The following CARMIL1 variants were observed in gnomAD, a reference collection of about 807,000 sequenced individuals.
The protein encoded by CARMIL1 is capping protein regulator and myosin 1 linker 1, also known as F-actin-uncapping protein LRRC16A.
CARMIL1 carries 90 observed loss-of-function variants against 177.1 expected under a neutral mutation model. The observed-to-expected ratio is 0.51, with a 90% CI of 0.43 to 0.61. CARMIL1 has a LOEUF of 0.61. Ranked by LOEUF, CARMIL1 falls within the 20% of genes least tolerant of loss-of-function variation. The probability of loss-of-function intolerance (pLI) is 0.00; values close to 1 mark genes in which losing one functional copy is unlikely to be tolerated. For missense variants in CARMIL1, 1,380 were observed against 1,667.0 expected, an observed-to-expected ratio of 0.83 and a Z score of 3.00; for synonymous variants, 577 against 606.2, an observed-to-expected ratio of 0.95 and a Z score of 0.71.
At chr6:25,570,457 A>C (rs1811978024) in intron 29 of CARMIL1, among the ~76,000 whole-genome samples, 1 of 152,228 alleles carries the variant, frequency 6.6e-6, no homozygotes, top group African/African-American at 2.4e-5. Context: ...TTGCTTTTTA[A>C]GGAGAACATT....
rs1780923694 is a variant in CARMIL1 at position 25,279,778 on chromosome 6, C to G, written c.-18C>G. Reference sequence around the variant, plus strand: ...TCAGAGTTGGACCTGCAATAACCCCCACACCTACAGGGCAACCATGACCGA... The same window carrying G: ...TCAGAGTTGGACCTGCAATAACCCCGACACCTACAGGGCAACCATGACCGA... On this transcript the variant is annotated 5_prime_UTR_variant, in exon 1 of 37. Transcript: ENST00000329474. 3 of 1,613,644 alleles carry G rather than the reference C, an allele frequency of 1.9e-6. No homozygotes were observed. In the South Asian group the frequency reaches 3.3e-5, roughly 18 times the overall value.
At chr6:25,344,522 T>A (rs765943811) in intron 2 of CARMIL1, among the ~76,000 whole-genome samples, 6 of 152,184 alleles carry the variant, frequency 3.9e-5, no homozygotes, top group Non-Finnish European at 8.8e-5. Context: ...AGCACCATAT[T>A]GTTTGTCTCA....
intron 26 of CARMIL1, among the ~76,000 whole-genome samples, chr6:25,546,892 A>C (rs567817392): frequency 1.1e-4 from 16 of 152,028 alleles, no homozygotes; most frequent in Admixed American, 2.6e-4. Flanking sequence ...TCTACTAAAA[A>C]AAATACAAAA....
chr6:25,319,803 C>T (rs1029728487), intron 2 of CARMIL1, among the ~76,000 whole-genome samples: 1 of 137,922 alleles, frequency 7.3e-6, no homozygotes, highest in Non-Finnish European at 1.5e-5. Flanking sequence ...GAGTCTCGCT[C>T]TGTCACCCAG....
At chr6:25,508,087 A>G (rs371052721) in intron 17 of CARMIL1, among the ~76,000 whole-genome samples, 61 of 152,284 alleles carry the variant, frequency 4.0e-4, no homozygotes, top group African/African-American at 1.4e-3. Flanking sequence ...GTTTCTAAAA[A>G]TTTTTACACT....
chr6:25,289,891 G>T (rs145383909), intron 2 of CARMIL1, among the ~76,000 whole-genome samples: 1 of 152,208 alleles, frequency 6.6e-6, no homozygotes, highest in East Asian at 1.9e-4. Context: ...AAACATTTGT[G>T]TACAGATTTT....
chr6:25,361,410 C>T lies in CARMIL1; in HGVS notation c.139-58704C>T, dbSNP rs114812687. Among the ~76,000 whole-genome samples the T allele has an allele frequency of 5.7e-3, 865 of 152,050 alleles. 8 individuals carry two copies. The highest frequency in any genetic ancestry group is 0.02 in the African/African-American group (814 of 41,468). The stretch of plus-strand genomic sequence containing the variant: ...TGCACACTCCTCCCACCCCACCCTT[C>T]CAAGCTTGATCTCAGCAAATTCATT... On this transcript the variant is annotated intron_variant, in intron 2 of 36. Coordinates refer to ENST00000329474, the MANE Select transcript of CARMIL1 (RefSeq NM_017640.6).
intron 2 of CARMIL1, among the ~76,000 whole-genome samples, chr6:25,381,004 ATTG>A (rs1330254705): frequency 6.6e-6 from 1 of 152,010 alleles, no homozygotes; most frequent in African/African-American, 2.4e-5. Flanking sequence ...TTATTGTTGT[ATTG>A]TTAGAGAAAG....
intron 29 of CARMIL1, among the ~76,000 whole-genome samples, chr6:25,560,484 T>A (rs568846216): frequency 6.6e-6 from 1 of 152,302 alleles, no homozygotes; most frequent in African/African-American, 2.4e-5. Flanking sequence ...TTAACACTTA[T>A]GTAGTACCTG....
chr6:25,425,572 A>G (rs1019018429), intron 3 of CARMIL1, among the ~76,000 whole-genome samples: 3 of 152,100 alleles, frequency 2.0e-5, no homozygotes, highest in Non-Finnish European at 4.4e-5. Context: ...TTGGTCCCCC[A>G]CTGTCTCTAG....
At chr6:25,361,974 GA>G (rs1029730472) in intron 2 of CARMIL1, among the ~76,000 whole-genome samples, 5 of 151,010 alleles carry the variant, frequency 3.3e-5, no homozygotes, top group African/African-American at 1.2e-4. Context: ...AAAATAAAAA[GA>G]AAAAAAGAAA....
At chr6:25,531,662 C>T (rs1807772593) in intron 24 of CARMIL1, among the ~76,000 whole-genome samples, 1 of 152,170 alleles carries the variant, frequency 6.6e-6, no homozygotes, top group Non-Finnish European at 1.5e-5. Context: ...TCTTTTCCTG[C>T]AAGGAACTAA....
rs565056961 is a variant in CARMIL1 at position 25,556,941 on chromosome 6, C to T, written c.2742+91C>T. The T allele has an allele frequency of 8.5e-5, 112 of 1,315,624 alleles. 1 individual carries two copies. The African/African-American group carries it at 1.6e-3, about 18-fold the overall frequency. The allele number at this position is 1,315,624 out of a possible 1,614,324, so 81.5% of individuals were successfully genotyped here. ...TTTTTTAAATCTCACCTTTTGAAAT[C>T]AGACCAAACAAAACACTGTCCCCAC... On this transcript the variant is annotated intron_variant, in intron 29 of 36. Coordinates refer to ENST00000329474, the MANE Select transcript of CARMIL1 (RefSeq NM_017640.6).
chr6:25,358,319 A>T (rs1562030911), intron 2 of CARMIL1, among the ~76,000 whole-genome samples: 1 of 152,246 alleles, frequency 6.6e-6, no homozygotes, highest in African/African-American at 2.4e-5. Flanking sequence ...TTATGTAGAC[A>T]GTAGAAAAGA....
At chr6:25,407,419 C>T (rs1794476028) in intron 2 of CARMIL1, among the ~76,000 whole-genome samples, 1 of 151,586 alleles carries the variant, frequency 6.6e-6, no homozygotes, top group African/African-American at 2.4e-5. Flanking sequence ...ATCTCCAGCA[C>T]TTCAGAAGGA....
intron 16 of CARMIL1, among the ~76,000 whole-genome samples, chr6:25,496,696 T>C (rs1161587008): frequency 2.0e-5 from 3 of 152,220 alleles, no homozygotes; most frequent in African/African-American, 7.2e-5. Flanking sequence ...ATTTATGTAT[T>C]CATTCAAGTA....
intron 2 of CARMIL1, among the ~76,000 whole-genome samples, chr6:25,313,284 C>A (rs1783982720): frequency 6.6e-6 from 1 of 152,156 alleles, no homozygotes; most frequent in African/African-American, 2.4e-5. Context: ...TCTCTTCCTC[C>A]TTTCACTCTG....
chr6:25,376,763 G>A (rs961918732), intron 2 of CARMIL1, among the ~76,000 whole-genome samples: 5 of 152,186 alleles, frequency 3.3e-5, no homozygotes, highest in Non-Finnish European at 5.9e-5. Flanking sequence ...AGGCCAGTAG[G>A]AGAGATGTCC....
At chr6:25,290,896 T>C (rs1781905978) in intron 2 of CARMIL1, among the ~76,000 whole-genome samples, 1 of 152,174 alleles carries the variant, frequency 6.6e-6, no homozygotes, top group African/African-American at 2.4e-5. Context: ...TGCAATCACT[T>C]GAACTGAGCC....
Sources: allele counts gnomAD v4.1 joint callset (sites outside exome capture counted in the v4.1 genomes callset), GRCh38; gene constraint gnomAD v4.1.1; transcripts MANE v1.5; gene names NCBI Gene and HGNC (gene_info 2026-07-23, HGNC 2026-07-21).